SPAG16: variants seen among roughly 807,000 people sequenced by gnomAD.
SPAG16 encodes sperm-associated antigen 16 protein.
Under a neutral mutation model 80.4 loss-of-function variants are expected in SPAG16, and 86 were observed. That is an observed-to-expected ratio of 1.07 (90% CI 0.90 to 1.28). The LOEUF (loss-of-function observed/expected upper bound fraction) is 1.28. Ranked by LOEUF, SPAG16 falls within the 50% of genes most tolerant of loss-of-function variation. The pLI, the probability that SPAG16 is intolerant of heterozygous loss-of-function variation, is 0.00. For missense variants in SPAG16, 870 were observed against 765.3 expected, an observed-to-expected ratio of 1.14 and a Z score of -1.61; for synonymous variants, 294 against 265.9, an observed-to-expected ratio of 1.11 and a Z score of -1.03.
intron 9 of SPAG16, among the ~76,000 whole-genome samples, chr2:213,381,043 G>A (rs2067145829): frequency 6.6e-6 from 1 of 152,162 alleles, no homozygotes; most frequent in South Asian, 2.1e-4. Flanking sequence ...TCAGAAGCCA[G>A]GGAAACAATG....
At chr2:213,566,666 T>G (rs542968017) in intron 10 of SPAG16, among the ~76,000 whole-genome samples, 1 of 152,232 alleles carries the variant, frequency 6.6e-6, no homozygotes, top group Admixed American at 6.5e-5. Context: ...TTAGAATTTT[T>G]AATTATTTTT....
intron 10 of SPAG16, among the ~76,000 whole-genome samples, chr2:213,761,285 G>A (rs1464148489): frequency 1.3e-5 from 2 of 152,112 alleles, no homozygotes; most frequent in East Asian, 3.9e-4. Flanking sequence ...TGCTAAGGGG[G>A]AAATTTATAG....
chr2:213,918,372 A>G lies in SPAG16; in HGVS notation c.1215-11588A>G, dbSNP rs370227522. 1.6e-4 allele frequency among the ~76,000 whole-genome samples: 24 copies of G among 151,636 alleles called. No homozygotes were observed. The East Asian group carries it at 3.9e-3, about 25-fold the overall frequency. ...GAGCTCTTCATTGTATACATATGGT[A>G]GAATTTGGCTATGAATCTATCTGGT... On this transcript the variant is annotated intron_variant, in intron 11 of 15. Transcript: ENST00000331683.
chr2:213,838,249 G>A (rs971329666), intron 10 of SPAG16, among the ~76,000 whole-genome samples: 1 of 152,088 alleles, frequency 6.6e-6, no homozygotes, highest in Non-Finnish European at 1.5e-5. Flanking sequence ...TTGACTCACC[G>A]CAACCTCTGC....
chr2:213,381,598 G>A (rs1411091820), intron 9 of SPAG16, among the ~76,000 whole-genome samples: 5 of 152,164 alleles, frequency 3.3e-5, no homozygotes, highest in African/African-American at 1.2e-4. Flanking sequence ...TACAGAGGGA[G>A]AGCCAAGGAA....
At chr2:213,969,419 G>A (rs977137714) in intron 12 of SPAG16, among the ~76,000 whole-genome samples, 5 of 152,152 alleles carry the variant, frequency 3.3e-5, no homozygotes, top group South Asian at 2.1e-4. Context: ...ATATTGAAAC[G>A]TAGTCCCAAA....
intron 9 of SPAG16, among the ~76,000 whole-genome samples, chr2:213,421,101 C>T (rs751974205): frequency 3.3e-5 from 5 of 151,874 alleles, no homozygotes; most frequent in Admixed American, 6.6e-5. Context: ...GCTCTGGGCA[C>T]AGCTGCAGCC....
intron 13 of SPAG16, among the ~76,000 whole-genome samples, chr2:214,034,189 T>A (rs558121253): frequency 1.2e-4 from 18 of 152,358 alleles, no homozygotes; most frequent in African/African-American, 4.1e-4. Flanking sequence ...TTTCACAGAA[T>A]TTTATATCAG....
intron 13 of SPAG16, among the ~76,000 whole-genome samples, chr2:214,020,539 ATAATTTTAATTAATGACT>A (rs2047809230): frequency 6.6e-6 from 1 of 152,182 alleles, no homozygotes; most frequent in Admixed American, 6.6e-5. Flanking sequence ...TTCTGATTTA[ATAATTTTAATTAATGACT>A]GTAATTCAGT....
intron 10 of SPAG16, among the ~76,000 whole-genome samples, chr2:213,734,151 A>G (rs989025461): frequency 5.3e-5 from 8 of 152,140 alleles, no homozygotes; most frequent in Non-Finnish European, 1.2e-4. Flanking sequence ...GATTTAGGTT[A>G]CCTAACAGTT....
chr2:214,087,822 C>T (rs1031756984), intron 13 of SPAG16, among the ~76,000 whole-genome samples: 1 of 151,896 alleles, frequency 6.6e-6, no homozygotes, highest in Non-Finnish European at 1.5e-5. Context: ...AAATCTTGCC[C>T]TTTTTTGGAA....
At chr2:213,488,652 T>G (rs755823254) in intron 9 of SPAG16, among the ~76,000 whole-genome samples, 2 of 152,036 alleles carry the variant, frequency 1.3e-5, no homozygotes, top group Non-Finnish European at 2.9e-5. Flanking sequence ...TGGAAAAAAA[T>G]TAAGTAATTA....
At chr2:214,161,731 G>T (rs913106773) in intron 15 of SPAG16, among the ~76,000 whole-genome samples, 4 of 152,078 alleles carry the variant, frequency 2.6e-5, no homozygotes, top group African/African-American at 7.2e-5. Context: ...CCCACGCTGG[G>T]CTTAATACCT....
At position 213,492,467 on chromosome 2, in the gene SPAG16, A is replaced by G. The variant is rs184025052; in HGVS notation, c.1070+2377A>G. Among the ~76,000 whole-genome samples, 421 of 151,938 alleles carry G rather than the reference A, an allele frequency of 2.8e-3. 2 individuals are homozygous for G. Among genetic ancestry groups the G allele is most frequent in the East Asian group, 0.015 (77 of 5,144 alleles). On this transcript the variant is annotated intron_variant, in intron 10 of 15. Coordinates refer to ENST00000331683, the MANE Select transcript of SPAG16 (RefSeq NM_024532.5). The stretch of plus-strand genomic sequence containing the variant: ...CGGGAGGCTGAGGCAGGAGAATGGC[A>G]TGAACCCGGGAGGTGGAGCTTGCAG...
intron 10 of SPAG16, among the ~76,000 whole-genome samples, chr2:213,614,929 T>C (rs2061545699): frequency 6.6e-6 from 1 of 152,174 alleles, no homozygotes; most frequent in Admixed American, 6.5e-5. Flanking sequence ...GAGTAATCAA[T>C]GATTTCTTTG....
chr2:214,167,456 G>T (rs139096097), intron 15 of SPAG16, among the ~76,000 whole-genome samples: 2 of 152,134 alleles, frequency 1.3e-5, no homozygotes, highest in Non-Finnish European at 2.9e-5. Flanking sequence ...TGTTCAGCTT[G>T]GCCTTATCAC....
intron 15 of SPAG16, among the ~76,000 whole-genome samples, chr2:214,252,930 C>A (rs1289479572): frequency 6.6e-6 from 1 of 152,038 alleles, no homozygotes; most frequent in Non-Finnish European, 1.5e-5. Context: ...AAAATTGTTC[C>A]TATTTCTCCA....
At chr2:213,800,372 C>G in intron 10 of SPAG16, among the ~76,000 whole-genome samples, 1 of 137,988 alleles carries the variant, frequency 7.2e-6, no homozygotes, top group South Asian at 2.6e-4. Context: ...CCCTCTCTCC[C>G]TTTCTTCTTT....
chr2:213,517,754 G>A (rs2075491664), intron 10 of SPAG16, among the ~76,000 whole-genome samples: 1 of 152,110 alleles, frequency 6.6e-6, no homozygotes, highest in South Asian at 2.1e-4. Context: ...CCGTTATATG[G>A]AGAATAATGA....
Sources: allele counts gnomAD v4.1 joint callset (sites outside exome capture counted in the v4.1 genomes callset), GRCh38; gene constraint gnomAD v4.1.1; transcripts MANE v1.5; gene names NCBI Gene and HGNC (gene_info 2026-07-23, HGNC 2026-07-21).